The following GHITM variants were observed in gnomAD, a reference collection of about 807,000 sequenced individuals.
GHITM encodes the protein growth hormone inducible transmembrane protein.
In GHITM, 24 loss-of-function variants were observed where a neutral mutation model predicts 38.7. That is an observed-to-expected ratio of 0.62 (90% CI 0.45 to 0.87). The LOEUF is 0.87. GHITM is among the 40% of genes least tolerant of loss of function. The pLI is 0.00. For synonymous variants in GHITM, 154 were observed against 147.8 expected, an observed-to-expected ratio of 1.04 and a Z score of -0.30; for missense variants, 420 against 429.8, an observed-to-expected ratio of 0.98 and a Z score of 0.20.
Position 84,148,736 on chromosome 10 carries a change from G to C in GHITM, c.490G>C (p.Gly164Arg). The change falls in exon 6 of 9, where the codon GGT becomes CGT. Residue 164 changes from glycine to arginine, a missense_variant. Physicochemically the swap from Gly to Arg is moderately radical, Grantham distance 125 (BLOSUM62 -2). Coordinates refer to ENST00000372134, the MANE Select transcript of GHITM (RefSeq NM_014394.3). Reference sequence around the variant, plus strand: ...AATAGTACTTGTCTTTCAGACAATTGGTGTGACCTTTGCAGCCATGGTTGG... The same window carrying C: ...AATAGTACTTGTCTTTCAGACAATTCGTGTGACCTTTGCAGCCATGGTTGG... ...FMMRGSWVTI[G>R]VTFAAMVGAG... 6.2e-7 allele frequency: 1 copy of C among 1,604,028 alleles called. No individual in the cohort carries two copies. Among genetic ancestry groups the C allele is most frequent in the Non-Finnish European group, 8.5e-7 (1 of 1,170,830 alleles).
In GHITM at chr10:84,141,599, G is replaced by A. The variant is rs750415097; in HGVS notation, c.99G>A (p.Thr33=). 6.1e-5 allele frequency: 99 copies of A among 1,613,526 alleles called. No homozygotes were observed. The highest frequency in any genetic ancestry group is 8.0e-5 in the Non-Finnish European group (94 of 1,179,612). The part of the protein sequence containing the change: ...KASPVVKNSI[T]KNQWLLTPSR... ...CCCCTGTTGTGAAGAATTCCATCAC[G>A]AAGAATCAATGGCTGTTAACACCTA... The change falls in exon 2 of 9, where the codon ACG becomes ACA. Residue 33 remains threonine, a synonymous_variant. Coordinates refer to ENST00000372134, the MANE Select transcript of GHITM (RefSeq NM_014394.3).
chr10:84,152,218 CTA>C (rs1372778021), intron 8 of GHITM, 44 bp from the exon 9 acceptor site: 15 of 842,752 alleles, frequency 1.8e-5, no homozygotes, highest in Non-Finnish European at 2.8e-5. Context: ...TTCAACATCA[CTA>C]TTAGAATTGC....
rs756260032 is a variant in GHITM at position 84,141,525 on chromosome 10, C to T, written c.25C>T (p.Leu9Phe). MLAARLVC[L>F]RTLPSRVFHP... ...CATGTTGGCTGCAAGGCTGGTGTGT[C>T]TCCGGACACTACCTTCTAGGGTTTT... is the stretch of plus-strand genomic sequence containing the variant. The change falls in exon 2 of 9, where the codon CTC (leucine) becomes TTC (phenylalanine). Residue 9 changes from leucine (L) to phenylalanine (F), a missense_variant. Physicochemically the swap from Leu to Phe is conservative, Grantham distance 22. Coordinates refer to ENST00000372134, the MANE Select transcript of GHITM (RefSeq NM_014394.3). The T allele has an allele frequency of 3.1e-6, 5 of 1,613,752 alleles. No homozygotes were observed. The South Asian group carries it at 4.4e-5, about 14-fold the overall frequency.
chr10:84,147,891 T>C (rs924457147), intron 5 of GHITM, among the ~76,000 whole-genome samples: 5 of 152,198 alleles, frequency 3.3e-5, no homozygotes, highest in African/African-American at 9.7e-5. Context: ...ATTTTTCTTT[T>C]CCATGTGCTG....
intron 3 of GHITM, 51 bp downstream of exon 3, chr10:84,142,805 G>C: frequency 1.1e-6 from 1 of 952,334 alleles, no homozygotes; most frequent in Non-Finnish European, 1.7e-6. Flanking sequence ...TATGTTTTAA[G>C]AGGTCCATGA....
Position 84,150,098 on chromosome 10 carries a change from T to C in GHITM, c.636T>C (p.Gly212=), listed in dbSNP as rs574581295. 2 of 1,610,984 alleles carry C rather than the reference T, an allele frequency of 1.2e-6. No individual in the cohort carries two copies. Among genetic ancestry groups the C allele is most frequent in the South Asian group, 2.2e-5 (2 of 90,800 alleles). ...TGGCTCCTCTGACAATATTAGGGGG[T>C]CCTCTTCTCATCAGAGCTGCATGGT... ...AVVAPLTILG[G]PLLIRAAWYT... Residue 212 remains glycine, a synonymous_variant, in exon 7 of 9, where the codon GGT becomes GGC. Coordinates refer to ENST00000372134, the MANE Select transcript of GHITM (RefSeq NM_014394.3).
chr10:84,148,753 C>T lies in GHITM; in HGVS notation c.507C>T (p.Ala169=). The part of the protein sequence containing the change: ...SWVTIGVTFA[A]MVGAGMLVRS... ...AGACAATTGGTGTGACCTTTGCAGC[C>T]ATGGTTGGAGCTGGAATGCTGGTAC... Residue 169 remains alanine (A), a synonymous_variant, in exon 6 of 9, where the codon GCC becomes GCT. Transcript: ENST00000372134. The T allele has an allele frequency of 6.2e-7, 1 of 1,612,186 alleles. No homozygotes were observed. Among genetic ancestry groups the T allele is most frequent in the African/African-American group, 1.3e-5 (1 of 74,982 alleles).
rs573073497 is a variant in GHITM, at chr10:84,144,168, A to C, written c.341+62A>C. ...ACTCCAGCCTTAAAACAAAAATTCA[A>C]ATTTTCTTCTCATTCCTATCTTTAG... is the stretch of plus-strand genomic sequence containing the variant. On this transcript the variant is annotated intron_variant, in intron 4 of 8. Coordinates refer to ENST00000372134, the MANE Select transcript of GHITM (RefSeq NM_014394.3). 4 of 1,036,068 alleles carry C rather than the reference A, an allele frequency of 3.9e-6. No homozygotes were observed. The African/African-American group carries it at 4.7e-5, about 12-fold the overall frequency. 64.2% of individuals were successfully genotyped at this position (1,036,068 alleles called of 1,614,324 possible). A position where few individuals can be genotyped will look rare whatever the true frequency, so the allele number is the denominator to read the frequency against.
At chr10:84,140,683 A>G (rs1256959785) in intron 1 of GHITM, 5 of 151,766 alleles carry the variant, frequency 3.3e-5, no homozygotes, top group Non-Finnish European at 5.9e-5. Flanking sequence ...CATTACAGAA[A>G]CACTGTCTGC....
At chr10:84,148,444 G>A (rs1031840730) in intron 5 of GHITM, among the ~76,000 whole-genome samples, 21 of 151,966 alleles carry the variant, frequency 1.4e-4, no homozygotes, top group Non-Finnish European at 2.9e-4. Flanking sequence ...CTACAGGCGC[G>A]CACCACTGCG....
chr10:84,141,774 T>C, intron 2 of GHITM, 145 bp downstream of exon 2: 1 of 738,078 alleles, frequency 1.4e-6, no homozygotes, highest in Non-Finnish European at 2.3e-6. Flanking sequence ...TCCCCATTAG[T>C]TTGTATCATT....
chr10:84,150,232 T>C lies in GHITM; in HGVS notation c.770T>C (p.Val257Ala). The C allele has an allele frequency of 6.2e-7, 1 of 1,605,946 alleles. No homozygotes were observed. The highest frequency in any genetic ancestry group is 8.5e-7 in the Non-Finnish European group (1 of 1,175,654). ...GGAGTGGGCCTGGGTCTCGTCTTTG[T>C]GTCCTCATTGGGTAAGCTGCTGTGT... ...PLGVGLGLVF[V>A]SSLGSMFLPP... is the part of the protein sequence containing the mutation. Residue 257 changes from valine to alanine, a missense_variant, in exon 7 of 9, where the codon GTG becomes GCG. Coordinates refer to ENST00000372134, the MANE Select transcript of GHITM (RefSeq NM_014394.3).
At position 84,142,692 on chromosome 10, in the gene GHITM, G is replaced by T. The variant is rs1307272785; in HGVS notation, c.167G>T (p.Gly56Val). ...ATKTRIGIRR[G>V]RTGQELKEAA... is the part of the protein sequence containing the mutation. ...AAAACAAGAATTGGGATCCGGCGTG[G>T]GAGAACTGGCCAAGAACTCAAAGAG... Residue 56 changes from glycine to valine, a missense_variant, in exon 3 of 9, where the codon GGG (glycine) becomes GTG (valine). Transcript: ENST00000372134. The T allele has an allele frequency of 6.2e-7, 1 of 1,612,928 alleles. No individual in the cohort carries two copies. Among genetic ancestry groups the T allele is most frequent in the Non-Finnish European group, 8.5e-7 (1 of 1,179,264 alleles).
intron 8 of GHITM, among the ~76,000 whole-genome samples, chr10:84,151,452 G>A (rs1841611417): frequency 6.6e-6 from 1 of 152,146 alleles, no homozygotes; most frequent in African/African-American, 2.4e-5. Flanking sequence ...GCCAGTGTCA[G>A]GGTGCAATAA....
At chr10:84,151,008 G>T in intron 8 of GHITM, 128 bp downstream of exon 8, 2 of 593,170 alleles carry the variant, frequency 3.4e-6, no homozygotes, top group Non-Finnish European at 2.9e-6. Context: ...CGCAGACTGG[G>T]TGGCTTAAAA....
chr10:84,148,780 A>C lies in GHITM; in HGVS notation c.534A>C (p.Arg178=). Residue 178 remains arginine, a synonymous_variant, in exon 6 of 9, where the codon CGA becomes CGC. Transcript: ENST00000372134. ...AAMVGAGMLV[R]SIPYDQSPGP... ...TGGTTGGAGCTGGAATGCTGGTACG[A>C]TCAATACCATATGACCAGAGCCCAG... 1 of 1,613,586 alleles carries C rather than the reference A, an allele frequency of 6.2e-7. No homozygotes were observed. The highest frequency in any genetic ancestry group is 1.1e-5 in the South Asian group (1 of 91,072).
chr10:84,141,353 A>G (rs1269102500), intron 1 of GHITM, 109 bp from the exon 2 acceptor site: 13 of 622,626 alleles, frequency 2.1e-5, no homozygotes, highest in Non-Finnish European at 3.6e-5. Flanking sequence ...TGTTCTACTA[A>G]AAAATAGTTT....
intron 6 of GHITM, 98 bp from the exon 7 acceptor site, chr10:84,149,957 A>T: frequency 1.0e-6 from 1 of 969,764 alleles, no homozygotes; most frequent in Non-Finnish European, 1.4e-6. Context: ...CATAGTGCTT[A>T]AACAGTAAGG....
Position 84,148,844 on chromosome 10 carries a change from T to G in GHITM, c.592+6T>G, listed in dbSNP as rs376306445. On this transcript the variant is annotated splice_donor_region_variant and intron_variant, in intron 6 of 8. Transcript: ENST00000372134. ...TGCTTGGTTGCTACATTCTGGTATGTTCTGTTTTAAATTGTTACGAGACAA... is the reference window on the plus strand; with the variant it reads ...TGCTTGGTTGCTACATTCTGGTATGGTCTGTTTTAAATTGTTACGAGACAA... 1 of 1,559,710 alleles carries G rather than the reference T, an allele frequency of 6.4e-7. No homozygotes were observed. Among genetic ancestry groups the G allele is most frequent in the Non-Finnish European group, 8.8e-7 (1 of 1,130,750 alleles).
Sources: gnomAD v4.1 joint callset for allele counts (sites outside exome capture counted in the v4.1 genomes callset) on GRCh38, gnomAD v4.1.1 for gene constraint, MANE v1.5 for transcripts, NCBI Gene and HGNC (gene_info 2026-07-23, HGNC 2026-07-21) for gene names.